PTPRT: variants seen among roughly 807,000 people sequenced by gnomAD.
PTPRT encodes protein tyrosine phosphatase receptor type T.
PTPRT carries 56 observed loss-of-function variants against 176.8 expected under a neutral mutation model. That is an observed-to-expected ratio of 0.32 (90% CI 0.26 to 0.40). The LOEUF (loss-of-function observed/expected upper bound fraction) is 0.40. Among genes scored for constraint, PTPRT ranks in the 10% least tolerant of loss-of-function variants. The probability of loss-of-function intolerance (pLI) is 1.00; values close to 1 mark genes in which losing one functional copy is unlikely to be tolerated. For synonymous variants in PTPRT, 783 were observed against 739.0 expected, an observed-to-expected ratio of 1.06 and a Z score of -0.96; for missense variants, 1,540 against 1,908.2, an observed-to-expected ratio of 0.81 and a Z score of 3.60.
chr20:43,021,205 C>T (rs1237231006), intron 1 of PTPRT, among the ~76,000 whole-genome samples: 2 of 152,154 alleles, frequency 1.3e-5, no homozygotes, highest in African/African-American at 2.4e-5. Flanking sequence ...GGTAAGCTGA[C>T]AGAGAAAATG....
chr20:42,606,012 G>A (rs140291067), intron 7 of PTPRT, among the ~76,000 whole-genome samples: 10 of 152,322 alleles, frequency 6.6e-5, no homozygotes, highest in African/African-American at 2.2e-4. Context: ...CAGTAGAACA[G>A]AAATGAAGAA....
intron 7 of PTPRT, among the ~76,000 whole-genome samples, chr20:42,595,234 A>G (rs1446206377): frequency 4.6e-5 from 7 of 152,094 alleles, no homozygotes; most frequent in Non-Finnish European, 8.8e-5. Context: ...CAGACATATC[A>G]TTAATTCACA....
At chr20:42,943,894 C>G (rs911144810) in intron 1 of PTPRT, among the ~76,000 whole-genome samples, 7 of 152,076 alleles carry the variant, frequency 4.6e-5, no homozygotes, top group Non-Finnish European at 2.9e-5. Flanking sequence ...TGACGCATGC[C>G]TGCAGTCCCA....
At chr20:42,817,363 G>GT (rs35081877) in intron 2 of PTPRT, among the ~76,000 whole-genome samples, 56,781 of 137,984 alleles carry the variant, frequency 0.41, 12,741 homozygotes, top group Non-Finnish European at 0.53. Context: ...ATCATGTTTG[G>GT]TTTTTTTTTT....
At chr20:42,471,189 C>T (rs970546625) in intron 8 of PTPRT, among the ~76,000 whole-genome samples, 1 of 152,172 alleles carries the variant, frequency 6.6e-6, no homozygotes, top group African/African-American at 2.4e-5. Context: ...TCAGCATTGT[C>T]TGACTTCCAA....
chr20:42,143,383 A>G (rs1305394657), intron 17 of PTPRT, among the ~76,000 whole-genome samples: 1 of 152,010 alleles, frequency 6.6e-6, no homozygotes, highest in Non-Finnish European at 1.5e-5. Context: ...GGTGAAACCC[A>G]GCCTCTACTA....
chr20:42,341,738 C>T (rs766357550), intron 11 of PTPRT, among the ~76,000 whole-genome samples: 6 of 152,152 alleles, frequency 3.9e-5, no homozygotes, highest in African/African-American at 7.2e-5. Flanking sequence ...TAAATAGTCC[C>T]TATGGTAGGA....
At chr20:42,436,850 T>A (rs2059266415) in intron 9 of PTPRT, among the ~76,000 whole-genome samples, 1 of 152,216 alleles carries the variant, frequency 6.6e-6, no homozygotes, top group Admixed American at 6.5e-5. Context: ...GCAGTCAAGA[T>A]GAATGGACTA....
chr20:42,852,553 T>C (rs1347362297), intron 2 of PTPRT, among the ~76,000 whole-genome samples: 3 of 152,324 alleles, frequency 2.0e-5, no homozygotes, highest in East Asian at 3.9e-4. Flanking sequence ...TTTTTTAGAA[T>C]ACTAATCACA....
chr20:42,733,836 G>A (rs558913831), intron 6 of PTPRT, among the ~76,000 whole-genome samples: 1 of 152,304 alleles, frequency 6.6e-6, no homozygotes, highest in East Asian at 1.9e-4. Flanking sequence ...CCAGATCTGG[G>A]GAGAAGCAGG....
At chr20:42,703,053 C>T (rs2075997929) in intron 6 of PTPRT, among the ~76,000 whole-genome samples, 1 of 152,138 alleles carries the variant, frequency 6.6e-6, no homozygotes, top group Non-Finnish European at 1.5e-5. Flanking sequence ...ATCTACTTTC[C>T]CACTCCCATA....
At chr20:42,407,357 AAT>A (rs1207521825) in intron 9 of PTPRT, among the ~76,000 whole-genome samples, 5 of 152,176 alleles carry the variant, frequency 3.3e-5, no homozygotes, top group African/African-American at 1.2e-4. Context: ...TATAAAAGCC[AAT>A]GCATTCACTT....
In PTPRT at chr20:42,523,249, CCTT is replaced by C. The variant is rs138903246; in HGVS notation, c.1154-50690_1154-50688del. ...ATACGATGCCTTATTACTTTCCTCTCCTTCTCCCTGAGTAGTCCTGACACCATG... is the reference window on the plus strand; with the variant it reads ...ATACGATGCCTTATTACTTTCCTCTCCTCCCTGAGTAGTCCTGACACCATG... On this transcript the variant is annotated intron_variant, in intron 7 of 30. Transcript: ENST00000373187. Among the ~76,000 whole-genome samples, 1,140 of 152,310 alleles carry C rather than the reference CCTT, an allele frequency of 7.5e-3. 11 individuals are homozygous for C. The highest frequency in any genetic ancestry group is 0.026 in the African/African-American group (1,079 of 41,558).
At chr20:42,954,950 G>A (rs531100472) in intron 1 of PTPRT, among the ~76,000 whole-genome samples, 1 of 151,670 alleles carries the variant, frequency 6.6e-6, no homozygotes, top group South Asian at 2.1e-4. Flanking sequence ...AGAAGGGAGA[G>A]GAGAAGGTTA....
chr20:42,390,711 C>A (rs1214081987), intron 9 of PTPRT, among the ~76,000 whole-genome samples: 3 of 152,164 alleles, frequency 2.0e-5, no homozygotes, highest in Non-Finnish European at 4.4e-5. Flanking sequence ...ATGACTGTAG[C>A]CCCAGCTGAC....
chr20:43,057,905 A>G (rs1451467563), intron 1 of PTPRT, among the ~76,000 whole-genome samples: 1 of 152,250 alleles, frequency 6.6e-6, no homozygotes, highest in Admixed American at 6.5e-5. Flanking sequence ...TCAGGAGCCA[A>G]GTCAGTTTTG....
intron 7 of PTPRT, among the ~76,000 whole-genome samples, chr20:42,561,775 C>T (rs151114753): frequency 9.8e-5 from 15 of 152,290 alleles, no homozygotes; most frequent in African/African-American, 2.6e-4. Context: ...CACACTGACA[C>T]GCACCGCTGA....
intron 16 of PTPRT, among the ~76,000 whole-genome samples, chr20:42,193,748 A>G (rs756340640): frequency 5.3e-5 from 8 of 152,230 alleles, no homozygotes; most frequent in Non-Finnish European, 1.2e-4. Context: ...TCCCAGAGCC[A>G]AAGTGGAATT....
At chr20:42,729,195 G>A (rs1403946635) in intron 6 of PTPRT, among the ~76,000 whole-genome samples, 1 of 152,098 alleles carries the variant, frequency 6.6e-6, no homozygotes, top group Admixed American at 6.6e-5. Context: ...GCAAAATGAG[G>A]CTCCCACCCT....
Sources: allele counts gnomAD v4.1 joint callset (sites outside exome capture counted in the v4.1 genomes callset), GRCh38; gene constraint gnomAD v4.1.1; transcripts MANE v1.5; gene names NCBI Gene and HGNC (gene_info 2026-07-23, HGNC 2026-07-21).